Variants in TBC1D22A observed in about 807,000 individuals in gnomAD.
The protein encoded by TBC1D22A is putative GTPase activator.
In TBC1D22A, 38 loss-of-function variants were observed where a neutral mutation model predicts 60.2. That is an observed-to-expected ratio of 0.63 (90% confidence interval 0.49 to 0.83). TBC1D22A has a LOEUF of 0.83. TBC1D22A is among the 40% of genes least tolerant of loss of function. The pLI, the probability that TBC1D22A is intolerant of heterozygous loss-of-function variation, is 0.00. For missense variants in TBC1D22A, 628 were observed against 701.0 expected (o/e 0.90, Z 1.18); for synonymous variants, 302 against 281.7 (o/e 1.07, Z -0.72).
At chr22:46,825,325 G>C (rs2086006589) in intron 4 of TBC1D22A, among the ~76,000 whole-genome samples, 1 of 151,994 alleles carries the variant, frequency 6.6e-6, no homozygotes, top group Admixed American at 6.5e-5. Context: ...CTCTCTGCAG[G>C]GGCCCAGCTC....
chr22:47,112,250 G>GGGGTA (rs2065877163), intron 12 of TBC1D22A, among the ~76,000 whole-genome samples: 1 of 152,234 alleles, frequency 6.6e-6, no homozygotes, highest in African/African-American at 2.4e-5. Flanking sequence ...TTCATGGGGT[G>GGGGTA]ATACCCACTG....
rs773622489 is a variant in TBC1D22A, at chr22:46,974,327, G to C, written c.1053G>C (p.Val351=). 20 of 1,606,610 alleles carry C rather than the reference G, an allele frequency of 1.2e-5. No individual in the cohort carries two copies. Among genetic ancestry groups the C allele is most frequent in the Non-Finnish European group, 1.6e-5 (19 of 1,176,762 alleles). The part of the protein sequence containing the change: ...EEVDTVDVSG[V]PAEVLCNIEA... ...TGGACACGGTGGACGTCTCCGGCGT[G>C]CCCGCAGAGGTGCTGTGCAACATCG... The change falls in exon 9 of 13, where the codon GTG becomes GTC. Residue 351 remains valine, a synonymous_variant. Transcript: ENST00000337137.
At chr22:46,887,450 C>T (rs1419314381) in intron 5 of TBC1D22A, among the ~76,000 whole-genome samples, 1 of 152,184 alleles carries the variant, frequency 6.6e-6, no homozygotes, top group African/African-American at 2.4e-5. Context: ...CCCAGGTATA[C>T]ACTTAACAGA....
At chr22:46,952,951 C>G (rs750663832) in intron 8 of TBC1D22A, among the ~76,000 whole-genome samples, 16 of 152,166 alleles carry the variant, frequency 1.1e-4, no homozygotes, top group Non-Finnish European at 2.1e-4. Context: ...TTTGTCTTAG[C>G]AGCCGAGGTC....
intron 4 of TBC1D22A, among the ~76,000 whole-genome samples, chr22:46,867,278 C>G (rs1418623390): frequency 6.6e-6 from 1 of 152,188 alleles, no homozygotes; most frequent in Admixed American, 6.5e-5. Flanking sequence ...GCTGCCAGTG[C>G]TTGGAACACA....
At chr22:47,155,455 G>T (rs1440849821) in intron 12 of TBC1D22A, among the ~76,000 whole-genome samples, 1 of 152,182 alleles carries the variant, frequency 6.6e-6, no homozygotes, top group Non-Finnish European at 1.5e-5. Flanking sequence ...AAAGAAATCG[G>T]CTATCAGAGC....
Position 47,162,478 on chromosome 22 carries a change from G to A in TBC1D22A, c.1426-11020G>A, listed in dbSNP as rs575399217. Reference sequence around the variant, plus strand: ...GACCGAGCCTCCTGCATAGCCCAGGGACATGTAGCCATTGGCCTCGGCAGC... The same window carrying A: ...GACCGAGCCTCCTGCATAGCCCAGGAACATGTAGCCATTGGCCTCGGCAGC... On this transcript the variant is annotated intron_variant, in intron 12 of 12. Transcript: ENST00000337137. Among the ~76,000 whole-genome samples, 12 of 152,310 alleles carry A rather than the reference G, an allele frequency of 7.9e-5. No homozygotes were observed. The East Asian group carries it at 2.1e-3, about 27-fold the overall frequency.
intron 7 of TBC1D22A, among the ~76,000 whole-genome samples, chr22:46,907,146 G>C (rs993767299): frequency 2.0e-4 from 31 of 151,956 alleles, no homozygotes; most frequent in African/African-American, 7.3e-4. Flanking sequence ...GTGTGTGTGT[G>C]CGTGTGTTCT....
At chr22:46,885,963 A>G (rs533640081) in intron 5 of TBC1D22A, among the ~76,000 whole-genome samples, 1 of 145,748 alleles carries the variant, frequency 6.9e-6, no homozygotes, top group Non-Finnish European at 1.5e-5. Context: ...GCTGGAGTGC[A>G]GTGGTGCGAT....
chr22:46,796,937 A>G (rs2084679568), intron 3 of TBC1D22A, among the ~76,000 whole-genome samples: 1 of 152,166 alleles, frequency 6.6e-6, no homozygotes, highest in African/African-American at 2.4e-5. Flanking sequence ...CGCTCTTGAG[A>G]TGGCAGGTGA....
chr22:46,890,081 C>T (rs1391807947), intron 5 of TBC1D22A, among the ~76,000 whole-genome samples: 1 of 152,222 alleles, frequency 6.6e-6, no homozygotes, highest in Admixed American at 6.5e-5. Flanking sequence ...CACGGTGGCC[C>T]ACGCCTGTAA....
chr22:47,065,443 G>A (rs962579964), intron 11 of TBC1D22A, among the ~76,000 whole-genome samples: 3 of 152,202 alleles, frequency 2.0e-5, no homozygotes, highest in African/African-American at 4.8e-5. Context: ...CTTTCTCCAC[G>A]GGGCAGGGCT....
At chr22:47,006,863 C>G (rs2061609477) in intron 10 of TBC1D22A, among the ~76,000 whole-genome samples, 2 of 152,196 alleles carry the variant, frequency 1.3e-5, no homozygotes, top group Admixed American at 1.3e-4. Flanking sequence ...CCAACCACAC[C>G]AGTTCTTGGT....
At position 46,973,603 on chromosome 22, in the gene TBC1D22A, A is replaced by G. The variant is rs145534583; in HGVS notation, c.1016-687A>G. Among the ~76,000 whole-genome samples the G allele has an allele frequency of 2.3e-3, 343 of 152,372 alleles. 1 individual carries two copies. The highest frequency in any genetic ancestry group is 8.1e-3 in the African/African-American group (335 of 41,594). ...AAATAGGGAAGATAATTTTTAAAAC[A>G]TTTATGAGTATTTTGCTGGATGACA... On this transcript the variant is annotated intron_variant, in intron 8 of 12. Transcript: ENST00000337137.
rs528429393 is a variant in TBC1D22A, at chr22:47,032,780, G to A, written c.1202-4291G>A. Among the ~76,000 whole-genome samples, 14 of 152,300 alleles carry A rather than the reference G, an allele frequency of 9.2e-5. No homozygotes were observed. In the South Asian group the frequency reaches 2.3e-3, roughly 25 times the overall value. On this transcript the variant is annotated intron_variant, in intron 10 of 12. Transcript: ENST00000337137. ...ATCTCCACGGCAGAGCTTCATTCAC[G>A]CCAGTGCAAGGCGGCACCCACTTGC...
intron 8 of TBC1D22A, among the ~76,000 whole-genome samples, chr22:46,950,842 C>T (rs968882984): frequency 6.6e-6 from 1 of 152,192 alleles, no homozygotes; most frequent in African/African-American, 2.4e-5. Context: ...CACCCCACAC[C>T]TCTGCAGTTC....
chr22:47,151,250 G>A (rs965523131), intron 12 of TBC1D22A, among the ~76,000 whole-genome samples: 2 of 152,140 alleles, frequency 1.3e-5, no homozygotes, highest in Admixed American at 1.3e-4. Flanking sequence ...GTGACACTCA[G>A]CGCCCACCCG....
At chr22:46,904,145 A>AT (rs1555937547) in intron 7 of TBC1D22A, among the ~76,000 whole-genome samples, 895 of 75,458 alleles carry the variant, frequency 0.012, 9 homozygotes, top group African/African-American at 0.019. Context: ...CTATCTATCT[A>AT]CCTACCTACC....
intron 4 of TBC1D22A, among the ~76,000 whole-genome samples, chr22:46,806,903 G>C (rs879839981): frequency 3.9e-5 from 6 of 152,254 alleles, no homozygotes; most frequent in Non-Finnish European, 5.9e-5. Context: ...GCTGATATGA[G>C]GAGGGGAAGT....
Sources: allele counts gnomAD v4.1 joint callset (sites outside exome capture counted in the v4.1 genomes callset), GRCh38; gene constraint gnomAD v4.1.1; transcripts MANE v1.5; gene names NCBI Gene and HGNC (gene_info 2026-07-23, HGNC 2026-07-21).